Variants in TUSC3 observed in about 807,000 individuals in gnomAD.
TUSC3 encodes the protein dolichyl-diphosphooligosaccharide--protein glycosyltransferase subunit TUSC3.
A neutral mutation model predicts 44.8 loss-of-function variants in TUSC3; 45 were observed. The ratio of observed to expected loss-of-function variants is 1.00; its 90% CI spans 0.79 to 1.29. The LOEUF is 1.29. Ranked by LOEUF, TUSC3 falls within the 50% of genes most tolerant of loss-of-function variation. TUSC3 has a pLI of 0.00. For missense variants in TUSC3, 519 were observed against 437.9 expected (o/e 1.19, Z -1.65); for synonymous variants, 212 against 152.9 (o/e 1.39, Z -2.85).
chr8:15,546,058 C>T (rs1292109618), intron 1 of TUSC3, among the ~76,000 whole-genome samples: 1 of 151,792 alleles, frequency 6.6e-6, no homozygotes, highest in Non-Finnish European at 1.5e-5. Context: ...AGCTGGAAAA[C>T]AAGTACATAA....
chr8:15,482,125 C>G (rs1336272610), intron 1 of TUSC3, among the ~76,000 whole-genome samples: 2 of 152,144 alleles, frequency 1.3e-5, no homozygotes, highest in African/African-American at 4.8e-5. Flanking sequence ...TTGTTCATCC[C>G]TCGGAAACAA....
chr8:15,690,631 TG>T (rs2129189830), intron 6 of TUSC3, among the ~76,000 whole-genome samples: 1 of 152,330 alleles, frequency 6.6e-6, no homozygotes, highest in Non-Finnish European at 1.5e-5. Flanking sequence ...TTTATCGTTT[TG>T]TTTTTACATT....
At chr8:15,468,151 T>C (rs1442690899) in intron 1 of TUSC3, among the ~76,000 whole-genome samples, 1 of 152,212 alleles carries the variant, frequency 6.6e-6, no homozygotes, top group Non-Finnish European at 1.5e-5. Context: ...AAGAGTATCA[T>C]ATAATTATCA....
At chr8:15,590,304 A>G (rs1803773617) in intron 1 of TUSC3, among the ~76,000 whole-genome samples, 1 of 152,164 alleles carries the variant, frequency 6.6e-6, no homozygotes, top group Non-Finnish European at 1.5e-5. Context: ...GAAGTTTTAT[A>G]GCCAGTTAAT....
intron 1 of TUSC3, among the ~76,000 whole-genome samples, chr8:15,562,606 G>T (rs1186715068): frequency 6.6e-6 from 1 of 152,118 alleles, no homozygotes; most frequent in African/African-American, 2.4e-5. Context: ...ACCGGGTTGC[G>T]TTCTTTTCTG....
intron 2 of TUSC3, among the ~76,000 whole-genome samples, chr8:15,636,308 G>A (rs1193187961): frequency 1.3e-5 from 2 of 152,164 alleles, no homozygotes; most frequent in East Asian, 3.9e-4. Flanking sequence ...GGGTGGCAGA[G>A]TTAGGGATAA....
chr8:15,639,274 A>G (rs950998846), intron 2 of TUSC3, among the ~76,000 whole-genome samples: 45 of 138,058 alleles, frequency 3.3e-4, no homozygotes, highest in African/African-American at 9.2e-4. Context: ...GCTAGATCAC[A>G]TGATGTTCAG....
chr8:15,474,193 C>A (rs1056100875), intron 1 of TUSC3, among the ~76,000 whole-genome samples: 2 of 152,236 alleles, frequency 1.3e-5, no homozygotes, highest in African/African-American at 4.8e-5. Flanking sequence ...GCAGTCAGAC[C>A]TTATGGTTGT....
chr8:15,576,661 A>G (rs1803129110), intron 1 of TUSC3, among the ~76,000 whole-genome samples: 3 of 139,054 alleles, frequency 2.2e-5, no homozygotes, highest in Admixed American at 1.4e-4. Flanking sequence ...TTATGGCTGC[A>G]TAGTATTCCA....
intron 6 of TUSC3, among the ~76,000 whole-genome samples, chr8:15,685,122 G>T (rs1808576134): frequency 6.6e-6 from 1 of 152,142 alleles, no homozygotes; most frequent in Admixed American, 6.5e-5. Flanking sequence ...GAAACATTTG[G>T]GGGTGCATGC....
At chr8:15,645,573 C>G (rs539589778) in intron 2 of TUSC3, among the ~76,000 whole-genome samples, 1 of 152,128 alleles carries the variant, frequency 6.6e-6, no homozygotes, top group Non-Finnish European at 1.5e-5. Context: ...ATTCTTTAAC[C>G]TCTTAAAAGT....
chr8:15,838,242 G>A, the TUSC3 span, among the ~76,000 whole-genome samples: 1 of 152,124 alleles, frequency 6.6e-6, no homozygotes, highest in Non-Finnish European at 1.5e-5. Context: ...TTACCTTTGA[G>A]ACTTATACTT....
the TUSC3 span, among the ~76,000 whole-genome samples, chr8:15,808,293 A>G: frequency 6.6e-6 from 1 of 152,106 alleles, no homozygotes; most frequent in African/African-American, 2.4e-5. Flanking sequence ...TTAATACTAA[A>G]TGTTATTTTA....
At chr8:15,692,361 C>CTT (rs1563175790) in intron 6 of TUSC3, among the ~76,000 whole-genome samples, 1 of 21,166 alleles carries the variant, frequency 4.7e-5, no homozygotes, top group African/African-American at 2.4e-4. Flanking sequence ...GAGGAGACCC[C>CTT]CCCCCCCCCC....
chr8:15,462,646 T>C (rs1800360668), intron 1 of TUSC3, among the ~76,000 whole-genome samples: 1 of 152,116 alleles, frequency 6.6e-6, no homozygotes, highest in Admixed American at 6.5e-5. Context: ...TGTATAGACA[T>C]GGCAAAAAGT....
the TUSC3 span, among the ~76,000 whole-genome samples, chr8:15,796,740 T>C: frequency 1.4e-3 from 211 of 152,302 alleles, no homozygotes; most frequent in African/African-American, 3.9e-3. Context: ...GTATGTAAAG[T>C]TGCTACCAGG....
At chr8:15,487,099 C>A (rs1364152954) in intron 2 of TUSC3, among the ~76,000 whole-genome samples, 1 of 152,130 alleles carries the variant, frequency 6.6e-6, no homozygotes, top group Non-Finnish European at 1.5e-5. Flanking sequence ...TCTAGTCATT[C>A]TTCATTGCCT....
intron 10 of TUSC3, among the ~76,000 whole-genome samples, chr8:15,761,650 CTG>C (rs1242272451): frequency 6.6e-6 from 1 of 152,204 alleles, no homozygotes; most frequent in East Asian, 1.9e-4. Context: ...TCGTTCATGA[CTG>C]AGCGTGGAGC....
At chr8:15,835,227 T>G in the TUSC3 span, among the ~76,000 whole-genome samples, 9 of 152,306 alleles carry the variant, frequency 5.9e-5, no homozygotes, top group Non-Finnish European at 1.3e-4. Flanking sequence ...GTTTGTAAAC[T>G]TATTTACGTA....
Sources: gnomAD v4.1 joint callset for allele counts (sites outside exome capture counted in the v4.1 genomes callset) on GRCh38, gnomAD v4.1.1 for gene constraint, MANE v1.5 for transcripts, NCBI Gene and HGNC (gene_info 2026-07-23, HGNC 2026-07-21) for gene names.